Variants in CCDC85A observed in about 807,000 individuals in gnomAD.
The protein encoded by CCDC85A is coiled-coil domain-containing protein 85A.
A neutral mutation model predicts 50.2 loss-of-function variants in CCDC85A; 38 were observed. That is an observed-to-expected ratio of 0.76 (90% confidence interval 0.58 to 0.99). The LOEUF (loss-of-function observed/expected upper bound fraction) is 0.99, where lower values mean the gene tolerates loss of function less well. Among genes scored for constraint, CCDC85A ranks in the 50% least tolerant of loss-of-function variants. The pLI, the probability that CCDC85A is intolerant of heterozygous loss-of-function variation, is 0.00. For synonymous variants in CCDC85A, 366 were observed against 301.4 expected, an observed-to-expected ratio of 1.21 and a Z score of -2.22; for missense variants, 820 against 742.0, an observed-to-expected ratio of 1.11 and a Z score of -1.22.
intron 2 of CCDC85A, among the ~76,000 whole-genome samples, chr2:56,293,125 G>A (rs1349758520): frequency 1.3e-5 from 2 of 152,288 alleles, no homozygotes; most frequent in Middle Eastern, 3.4e-3. Flanking sequence ...GATAGAAGGG[G>A]AGTTAACATC....
chr2:56,370,933 A>C (rs1676039946), intron 3 of CCDC85A, among the ~76,000 whole-genome samples: 1 of 152,196 alleles, frequency 6.6e-6, no homozygotes, highest in Non-Finnish European at 1.5e-5. Flanking sequence ...AAAAATAATT[A>C]TAAAATTTGC....
At chr2:56,269,742 A>G (rs1382569513) in intron 2 of CCDC85A, among the ~76,000 whole-genome samples, 1 of 152,078 alleles carries the variant, frequency 6.6e-6, no homozygotes, top group East Asian at 1.9e-4. Flanking sequence ...CCTCACTACA[A>G]AAGCCTTTCA....
chr2:56,217,272 C>T (rs1325339763), intron 2 of CCDC85A, among the ~76,000 whole-genome samples: 2 of 151,874 alleles, frequency 1.3e-5, no homozygotes, highest in East Asian at 3.9e-4. Context: ...TCTTCGTCTC[C>T]CTAATCATTG....
intron 2 of CCDC85A, among the ~76,000 whole-genome samples, chr2:56,322,481 A>T (rs9752021): frequency 0.04 from 6,080 of 152,278 alleles, 407 homozygotes; most frequent in African/African-American, 0.14. Context: ...AAAGTGGGTG[A>T]TGGATATGAA....
chr2:56,351,626 G>A (rs1444122810), intron 3 of CCDC85A, among the ~76,000 whole-genome samples: 1 of 144,600 alleles, frequency 6.9e-6, no homozygotes, highest in Admixed American at 6.8e-5. Flanking sequence ...TTTTTCATGT[G>A]TTTTTTGGCT....
intron 2 of CCDC85A, among the ~76,000 whole-genome samples, chr2:56,195,638 G>T (rs980712814): frequency 6.6e-6 from 1 of 152,154 alleles, no homozygotes; most frequent in African/African-American, 2.4e-5. Flanking sequence ...TTTTGATATG[G>T]ATGGTAAGAC....
At chr2:56,258,972 G>A (rs1296240140) in intron 2 of CCDC85A, among the ~76,000 whole-genome samples, 2 of 152,170 alleles carry the variant, frequency 1.3e-5, no homozygotes, top group African/African-American at 4.8e-5. Context: ...ATTGCTGAAG[G>A]TCGGGTGACT....
intron 2 of CCDC85A, among the ~76,000 whole-genome samples, chr2:56,327,250 G>T (rs541781689): frequency 6.6e-6 from 1 of 152,284 alleles, no homozygotes; most frequent in East Asian, 1.9e-4. Context: ...CCCAGGAATT[G>T]TGGGTGTTAA....
rs72923429 is a variant in CCDC85A, at chr2:56,245,894, A to C, written c.1240+52454A>C. Reference sequence around the variant, plus strand: ...CCATCTCCTTGATCTTGAACTTCCCAGTTTCCAGAACTGGGAGAAATAAAT... The same window carrying C: ...CCATCTCCTTGATCTTGAACTTCCCCGTTTCCAGAACTGGGAGAAATAAAT... On this transcript the variant is annotated intron_variant, in intron 2 of 5. Transcript: ENST00000407595. Among the ~76,000 whole-genome samples, 7 of 152,172 alleles carry C rather than the reference A, an allele frequency of 4.6e-5. No homozygotes were observed. In the East Asian group the frequency reaches 1.4e-3, roughly 29 times the overall value.
At chr2:56,198,414 G>C (rs947420935) in intron 2 of CCDC85A, among the ~76,000 whole-genome samples, 3 of 152,202 alleles carry the variant, frequency 2.0e-5, no homozygotes, top group Non-Finnish European at 2.9e-5. Context: ...GATGGTTAAA[G>C]AAATAATAAT....
rs187299712 is a variant in CCDC85A at position 56,230,312 on chromosome 2, C to A, written c.1240+36872C>A. On this transcript the variant is annotated intron_variant, in intron 2 of 5. Coordinates refer to ENST00000407595, the MANE Select transcript of CCDC85A (RefSeq NM_001080433.2). ...TTACTCTAGGGACAGATACCTTGGGCAGATGATGTAATTCCTGAACACAGG... is the reference window on the plus strand; with the variant it reads ...TTACTCTAGGGACAGATACCTTGGGAAGATGATGTAATTCCTGAACACAGG... 7.2e-5 allele frequency among the ~76,000 whole-genome samples: 11 copies of A among 152,242 alleles called. No homozygotes were observed. In the East Asian group the frequency reaches 2.1e-3, roughly 29 times the overall value.
chr2:56,326,776 T>A (rs2104280080), intron 2 of CCDC85A, among the ~76,000 whole-genome samples: 1 of 152,322 alleles, frequency 6.6e-6, no homozygotes, highest in South Asian at 2.1e-4. Flanking sequence ...TCTGCAAGCA[T>A]TCAATAATTT....
At chr2:56,197,983 C>G (rs1227572775) in intron 2 of CCDC85A, among the ~76,000 whole-genome samples, 1 of 152,078 alleles carries the variant, frequency 6.6e-6, no homozygotes, top group African/African-American at 2.4e-5. Context: ...GCCGGCAATG[C>G]TAATGGGTAT....
At chr2:56,201,876 C>T (rs907610056) in intron 2 of CCDC85A, among the ~76,000 whole-genome samples, 5 of 152,172 alleles carry the variant, frequency 3.3e-5, no homozygotes, top group Non-Finnish European at 4.4e-5. Flanking sequence ...AGAGCTGTGA[C>T]GTACTCAACC....
chr2:56,266,991 A>G (rs1031781238), intron 2 of CCDC85A, among the ~76,000 whole-genome samples: 2 of 151,990 alleles, frequency 1.3e-5, no homozygotes, highest in African/African-American at 2.4e-5. Context: ...TGGTTTTTCT[A>G]TTTGTGAGTG....
intron 2 of CCDC85A, among the ~76,000 whole-genome samples, chr2:56,334,490 G>T (rs1673977224): frequency 6.6e-6 from 1 of 152,206 alleles, no homozygotes; most frequent in Non-Finnish European, 1.5e-5. Context: ...CATTCAATAT[G>T]TGATTCACTG....
chr2:56,356,553 G>A (rs573740063), intron 3 of CCDC85A, among the ~76,000 whole-genome samples: 22 of 152,180 alleles, frequency 1.4e-4, no homozygotes, highest in Non-Finnish European at 3.1e-4. Flanking sequence ...AGCCAACATG[G>A]TGAAACCCCA....
chr2:56,321,513 G>GCCAAATC (rs1285048255), intron 2 of CCDC85A, among the ~76,000 whole-genome samples: 1 of 152,110 alleles, frequency 6.6e-6, no homozygotes, highest in African/African-American at 2.4e-5. Flanking sequence ...CAAACAGAGA[G>GCCAAATC]CCAAATCATG....
Position 56,384,466 on chromosome 2 carries a change from G to A in CCDC85A, c.*111G>A, listed in dbSNP as rs1029025093. ...ACCTGGACTCATGGAATAACATGGA[G>A]TGATTGTACATTGCACATATCTCCC... is the stretch of plus-strand genomic sequence containing the variant. On this transcript the variant is annotated 3_prime_UTR_variant, in exon 6 of 6. Transcript: ENST00000407595. 4.6e-6 allele frequency: 4 copies of A among 866,754 alleles called. No individual in the cohort carries two copies. In the Admixed American group the frequency reaches 6.3e-5, roughly 14 times the overall value. 53.7% of individuals were successfully genotyped at this position (866,754 alleles called of 1,614,324 possible).
Sources: allele counts gnomAD v4.1 joint callset (sites outside exome capture counted in the v4.1 genomes callset), GRCh38; gene constraint gnomAD v4.1.1; transcripts MANE v1.5; gene names NCBI Gene and HGNC (gene_info 2026-07-23, HGNC 2026-07-21).